UBE2E1: variants seen among roughly 807,000 people sequenced by gnomAD.
UBE2E1 encodes the protein ubiquitin conjugating enzyme E2 E1, also known as ubiquitin-conjugating enzyme E2 E1.
UBE2E1 carries 6 observed loss-of-function variants against 21.4 expected under a neutral mutation model. The observed-to-expected ratio is 0.28, with a 90% CI of 0.15 to 0.55. UBE2E1 has a LOEUF of 0.55. UBE2E1 is among the 20% of genes least tolerant of loss of function. The pLI is 0.93. For synonymous variants in UBE2E1, 87 were observed against 82.7 expected (o/e 1.05, Z -0.28); for missense variants, 142 against 236.5 (o/e 0.60, Z 2.62).
intron 3 of UBE2E1, among the ~76,000 whole-genome samples, chr3:23,861,353 T>G (rs1220816424): frequency 6.6e-6 from 1 of 152,218 alleles, no homozygotes; most frequent in Non-Finnish European, 1.5e-5. Flanking sequence ...TTTCAGTGTT[T>G]GGAGTTACCT....
rs1438218665 is a variant in UBE2E1, at chr3:23,806,927, C to CGCCCCG, written c.-33-310_-33-309insGCCCCG. 548 of 186,208 alleles carry CGCCCCG rather than the reference C, an allele frequency of 2.9e-3. 19 individuals carry two copies. In the East Asian group the frequency reaches 0.04, roughly 14 times the overall value. 11.5% of individuals were successfully genotyped at this position (186,208 alleles called of 1,614,324 possible). ...GCCCCGCCGTGGCGCCCCGCGCCCC[C>CGCCCCG]CGCCCTGCCCTCCTTCGCCTCCCGG... On this transcript the variant is annotated intron_variant, in intron 1 of 5. Coordinates refer to ENST00000306627, the MANE Select transcript of UBE2E1 (RefSeq NM_003341.5). This position sits in a 1 kb window ranked among gnomAD's most constrained non-coding sequence, Gnocchi z 6.5.
At chr3:23,871,329 C>T (rs534254022) in intron 3 of UBE2E1, among the ~76,000 whole-genome samples, 4 of 127,268 alleles carry the variant, frequency 3.1e-5, no homozygotes, top group East Asian at 2.2e-4. Context: ...TCAGTAGGGG[C>T]GGCAGGGCAG....
intron 3 of UBE2E1, among the ~76,000 whole-genome samples, chr3:23,848,664 A>G (rs1038242679): frequency 1.3e-5 from 2 of 152,242 alleles, no homozygotes; most frequent in Admixed American, 1.3e-4. Flanking sequence ...CTACCCTGAC[A>G]GTTCAGATAT....
chr3:23,833,535 A>G (rs1472541990), intron 3 of UBE2E1, among the ~76,000 whole-genome samples: 3 of 152,256 alleles, frequency 2.0e-5, no homozygotes, highest in Non-Finnish European at 4.4e-5. Flanking sequence ...AAGCCATGTC[A>G]TAGCAGTAGT....
At chr3:23,869,917 TTCTAAACAAAA>T (rs1029685563) in intron 3 of UBE2E1, among the ~76,000 whole-genome samples, 5 of 152,070 alleles carry the variant, frequency 3.3e-5, no homozygotes, top group African/African-American at 1.2e-4. Flanking sequence ...TAACAAAATA[TTCTAAACAAAA>T]ACCACTATTT....
chr3:23,859,611 TTTGCCA>T (rs1700508349), intron 3 of UBE2E1, among the ~76,000 whole-genome samples: 1 of 152,244 alleles, frequency 6.6e-6, no homozygotes, highest in Non-Finnish European at 1.5e-5. Context: ...GAGTCCAGTC[TTTGCCA>T]GTTAGCAGCT....
At chr3:23,858,301 A>G (rs1700481977) in intron 3 of UBE2E1, among the ~76,000 whole-genome samples, 1 of 152,158 alleles carries the variant, frequency 6.6e-6, no homozygotes, top group South Asian at 2.1e-4. Context: ...GATACTTTTT[A>G]ATCACAAAAT....
intron 3 of UBE2E1, among the ~76,000 whole-genome samples, chr3:23,867,118 A>G (rs747107922): frequency 2.1e-5 from 3 of 143,918 alleles, no homozygotes; most frequent in Non-Finnish European, 4.6e-5. Flanking sequence ...TTTATTTTGT[A>G]TTACTTTCTT....
Position 23,887,880 on chromosome 3 carries a change from C to G in UBE2E1, c.336+181C>G, listed in dbSNP as rs1701224129. The G allele has an allele frequency of 1.3e-6, 1 of 772,704 alleles. No homozygotes were observed. The highest frequency in any genetic ancestry group is 2.0e-6 in the Non-Finnish European group (1 of 507,728). The allele number at this position is 772,704 out of a possible 1,614,324, so 47.9% of individuals were successfully genotyped here. A position where few individuals can be genotyped will look rare whatever the true frequency, so the allele number is the denominator to read the frequency against. ...TGATTTTGCCTTATCTGGCAGAGAC[C>G]ATTCTAGGATTAAGTGCTTTGTTTT... On this transcript the variant is annotated intron_variant, in intron 4 of 5. Transcript: ENST00000306627. This position sits in a 1 kb window ranked among gnomAD's most constrained non-coding sequence, Gnocchi z 4.4.
rs71057627 is a variant in UBE2E1, at chr3:23,847,488, AT to A, written c.203+36002del. On this transcript the variant is annotated intron_variant, in intron 3 of 5. Transcript: ENST00000306627. Reference sequence around the variant, plus strand: ...ATCTGTGTGTGTACATGTACTTTAAATTTTTTTTTTTTTTTTTTTTTTTTGA... The same window carrying A: ...ATCTGTGTGTGTACATGTACTTTAAATTTTTTTTTTTTTTTTTTTTTTTGA... Among the ~76,000 whole-genome samples the A allele has an allele frequency of 3.9e-3, 379 of 96,134 alleles. 1 individual carries two copies. The highest frequency in any genetic ancestry group is 8.5e-3 in the African/African-American group (210 of 24,680). The allele number at this position is 96,134 out of a possible 152,430, so 63.1% of individuals were successfully genotyped here.
At chr3:23,839,410 GCCAAGATCACT>G (rs1700038385) in intron 3 of UBE2E1, among the ~76,000 whole-genome samples, 1 of 151,946 alleles carries the variant, frequency 6.6e-6, no homozygotes, top group Non-Finnish European at 1.5e-5. Context: ...GTTGCAGTGA[GCCAAGATCACT>G]CCACTGTACT....
At chr3:23,820,720 T>C (rs1699627234) in intron 3 of UBE2E1, among the ~76,000 whole-genome samples, 1 of 152,238 alleles carries the variant, frequency 6.6e-6, no homozygotes, top group Admixed American at 6.5e-5. Flanking sequence ...TTGTCTGTAG[T>C]GATCTGAGTC....
rs1699678459 is a variant in UBE2E1 at position 23,823,009 on chromosome 3, G to T, written c.203+11499G>T. On this transcript the variant is annotated intron_variant, in intron 3 of 5. Coordinates refer to ENST00000306627, the MANE Select transcript of UBE2E1 (RefSeq NM_003341.5). The surrounding 1 kb of genome is among the most constrained non-coding windows in gnomAD (Gnocchi z 4.2). ...TTACAGGCATGTGCCACCACGCCCA[G>T]CTAATTTTTGTATTTTTAGTGGAGA... is the stretch of plus-strand genomic sequence containing the variant. 6.6e-6 allele frequency among the ~76,000 whole-genome samples: 1 copy of T among 152,002 alleles called. No individual in the cohort carries two copies. Among genetic ancestry groups the T allele is most frequent in the South Asian group, 2.1e-4 (1 of 4,816 alleles).
At chr3:23,813,034 C>T (rs969709829) in intron 3 of UBE2E1, among the ~76,000 whole-genome samples, 9 of 151,150 alleles carry the variant, frequency 6.0e-5, no homozygotes, top group African/African-American at 2.2e-4. Flanking sequence ...AGTTTCACAT[C>T]GTTTTAACTG....
Position 23,852,569 on chromosome 3 carries a change from CT to C in UBE2E1, c.204-34994del, listed in dbSNP as rs1332855548. Among the ~76,000 whole-genome samples, 3 of 152,258 alleles carry C rather than the reference CT, an allele frequency of 2.0e-5. No homozygotes were observed. The East Asian group carries it at 5.8e-4, about 29-fold the overall frequency. ...TCTGCAAATACAGATCGTGTTACTTCTTTTCCAATCTGAATACTTTTTATTT... is the reference window on the plus strand; with the variant it reads ...TCTGCAAATACAGATCGTGTTACTTCTTTCCAATCTGAATACTTTTTATTT... On this transcript the variant is annotated intron_variant, in intron 3 of 5. Coordinates refer to ENST00000306627, the MANE Select transcript of UBE2E1 (RefSeq NM_003341.5).
chr3:23,877,049 G>C (rs1700930989), intron 3 of UBE2E1, among the ~76,000 whole-genome samples: 1 of 152,160 alleles, frequency 6.6e-6, no homozygotes, highest in Non-Finnish European at 1.5e-5. Context: ...GGTATTCATT[G>C]CTCTTAATAA....
intron 3 of UBE2E1, among the ~76,000 whole-genome samples, chr3:23,865,489 C>T (rs755779864): frequency 8.5e-5 from 13 of 152,122 alleles, no homozygotes; most frequent in Admixed American, 2.0e-4. Context: ...CGAGTAACTG[C>T]GATGACAGGT....
At position 23,828,694 on chromosome 3, in the gene UBE2E1, T is replaced by C. The variant is rs183507147; in HGVS notation, c.203+17184T>C. Among the ~76,000 whole-genome samples, 3 of 152,362 alleles carry C rather than the reference T, an allele frequency of 2.0e-5. 1 individual carries two copies. The highest frequency in any genetic ancestry group is 2.0e-4 in the Admixed American group (3 of 15,300). On this transcript the variant is annotated intron_variant, in intron 3 of 5. Coordinates refer to ENST00000306627, the MANE Select transcript of UBE2E1 (RefSeq NM_003341.5). ...TCTGGAGATACAAAAGTGTGATAGA[T>C]GCTTTCAATATAAAATAAACGTTAC...
In UBE2E1 at chr3:23,810,591, C is replaced by G; in HGVS notation, c.153-869C>G. ...GGGGCGGAGGCAGGGTCCGGTGCAC[C>G]TGTGCGGCCGCGGGCCGGCCACTTG... On this transcript the variant is annotated intron_variant, in intron 2 of 5. Transcript: ENST00000306627. The surrounding 1 kb of genome is among the most constrained non-coding windows in gnomAD (Gnocchi z 5.8). 1.4e-6 allele frequency: 2 copies of G among 1,464,762 alleles called. No individual in the cohort carries two copies. The highest frequency in any genetic ancestry group is 1.4e-5 in the African/African-American group (1 of 70,900). 90.7% of individuals were successfully genotyped at this position (1,464,762 alleles called of 1,614,324 possible).
Sources: gnomAD v4.1 joint callset for allele counts (sites outside exome capture counted in the v4.1 genomes callset) on GRCh38, gnomAD v4.1.1 for gene constraint, Gnocchi (gnomAD v3.1) non-coding constraint, MANE v1.5 for transcripts, NCBI Gene and HGNC (gene_info 2026-07-23, HGNC 2026-07-21) for gene names.